CAST: variants seen among roughly 807,000 people sequenced by gnomAD.
CAST encodes calpastatin, also known as MIR583 host.
CAST carries 76 observed loss-of-function variants against 119.6 expected under a neutral mutation model. The observed-to-expected ratio is 0.64, with a 90% CI of 0.53 to 0.77. The LOEUF (loss-of-function observed/expected upper bound fraction) is 0.77. Among genes scored for constraint, CAST ranks in the 30% least tolerant of loss-of-function variants. CAST has a pLI of 0.00. For synonymous variants in CAST, 319 were observed against 331.6 expected (o/e 0.96, Z 0.41); for missense variants, 953 against 946.5 (o/e 1.01, Z -0.09).
chr5:96,367,456 C>T, the CAST span, among the ~76,000 whole-genome samples: 1 of 151,198 alleles, frequency 6.6e-6, no homozygotes, highest in Non-Finnish European at 1.5e-5. Flanking sequence ...CCTCCTTGAG[C>T]TGCAGCGGGT....
the CAST span, among the ~76,000 whole-genome samples, chr5:96,268,800 T>C: frequency 6.6e-6 from 1 of 152,130 alleles, no homozygotes; most frequent in East Asian, 1.9e-4. Flanking sequence ...TCAGATAAAG[T>C]AGACTGATAT....
chr5:96,110,021 T>C, the CAST span, among the ~76,000 whole-genome samples: 1 of 152,160 alleles, frequency 6.6e-6, no homozygotes, highest in African/African-American at 2.4e-5. Context: ...GAAACTGTTA[T>C]TGAAAATCCA....
chr5:96,527,917 G>A (rs1275232499), upstream of CAST, among the ~76,000 whole-genome samples: 1 of 152,174 alleles, frequency 6.6e-6, no homozygotes, highest in Non-Finnish European at 1.5e-5. Flanking sequence ...TCTAGGGGTA[G>A]GGATGCAAAC....
the CAST span, among the ~76,000 whole-genome samples, chr5:96,064,548 T>C: frequency 6.6e-6 from 1 of 152,174 alleles, no homozygotes; most frequent in African/African-American, 2.4e-5. Context: ...GACATCAATC[T>C]TTATTAATTA....
the CAST span, among the ~76,000 whole-genome samples, chr5:96,131,327 T>G: frequency 6.6e-6 from 1 of 152,072 alleles, no homozygotes; most frequent in African/African-American, 2.4e-5. Flanking sequence ...CCTCTAAGTT[T>G]AAATATTTTT....
intron 4 of CAST, 135 bp downstream of exon 4, chr5:96,722,833 T>C: frequency 2.9e-6 from 2 of 681,122 alleles, no homozygotes; most frequent in Non-Finnish European, 5.3e-6. Context: ...ATTTTCTTCC[T>C]AATTTATGGG....
intron 1 of CAST, among the ~76,000 whole-genome samples, chr5:96,665,989 A>G (rs747671267): frequency 6.6e-6 from 1 of 152,226 alleles, no homozygotes; most frequent in Non-Finnish European, 1.5e-5. Context: ...AGATATCGGT[A>G]TATACACAGA....
chr5:96,228,001 C>CTG, the CAST span, among the ~76,000 whole-genome samples: 417 of 136,704 alleles, frequency 3.1e-3, 4 homozygotes, highest in African/African-American at 8.1e-3. Flanking sequence ...CTCTTTCTCT[C>CTG]TCTGTGTGTG....
intron 1 of CAST, among the ~76,000 whole-genome samples, chr5:96,541,541 C>T (rs557421629): frequency 6.6e-6 from 1 of 152,296 alleles, no homozygotes; most frequent in Admixed American, 6.5e-5. Context: ...TTGACAAACA[C>T]ATCAGGTCAT....
chr5:96,530,321 G>A (rs1012926500), intron 1 of CAST, among the ~76,000 whole-genome samples: 3 of 152,072 alleles, frequency 2.0e-5, no homozygotes, highest in African/African-American at 7.2e-5. Context: ...CCAGGAAGAG[G>A]AAACAGGATG....
the CAST span, among the ~76,000 whole-genome samples, chr5:96,369,265 C>G: frequency 6.6e-6 from 1 of 151,560 alleles, no homozygotes; most frequent in African/African-American, 2.4e-5. Flanking sequence ...TTTTTATTCT[C>G]CAAATTAGCT....
intron 1 of CAST, among the ~76,000 whole-genome samples, chr5:96,592,769 T>TA (rs1472946566): frequency 6.6e-6 from 1 of 151,542 alleles, no homozygotes; most frequent in Admixed American, 6.6e-5. Context: ...ATTTTCTTTT[T>TA]TTTTTTCTTT....
chr5:96,042,255 G>T, the CAST span, among the ~76,000 whole-genome samples: 322 of 152,298 alleles, frequency 2.1e-3, 2 homozygotes, highest in African/African-American at 7.3e-3. Context: ...TACCTCTAGA[G>T]ATTTCCTAGT....
At chr5:96,295,878 C>G in the CAST span, among the ~76,000 whole-genome samples, 1 of 152,090 alleles carries the variant, frequency 6.6e-6, no homozygotes, top group Non-Finnish European at 1.5e-5. Flanking sequence ...CATGTATGCA[C>G]ACATATATAT....
chr5:96,313,607 T>A, the CAST span, among the ~76,000 whole-genome samples: 1 of 152,196 alleles, frequency 6.6e-6, no homozygotes, highest in Non-Finnish European at 1.5e-5. Flanking sequence ...ATAAGATTAC[T>A]TAAACATCCA....
chr5:95,980,784 G>A, the CAST span, among the ~76,000 whole-genome samples: 1 of 152,102 alleles, frequency 6.6e-6, no homozygotes. Flanking sequence ...GGCATGTCAG[G>A]CATCTCCCTT....
the CAST span, among the ~76,000 whole-genome samples, chr5:96,425,066 A>AAGAAAGAAAG: frequency 5.1e-4 from 72 of 140,438 alleles, no homozygotes; most frequent in African/African-American, 1.8e-3. Context: ...GAAAGAAAGA[A>AAGAAAGAAAG]AGAAAGAAAA....
the CAST span, among the ~76,000 whole-genome samples, chr5:95,975,211 A>G: frequency 5.9e-5 from 9 of 152,224 alleles, no homozygotes; most frequent in Non-Finnish European, 1.0e-4. Context: ...CCTATAGCCA[A>G]TTAGGTAGTG....
the CAST span, among the ~76,000 whole-genome samples, chr5:96,497,440 A>G: frequency 6.6e-6 from 1 of 152,084 alleles, no homozygotes; most frequent in Admixed American, 6.5e-5. Flanking sequence ...CGCCACACTG[A>G]CTTCCACAAT....
Sources: gnomAD v4.1 joint callset for allele counts (sites outside exome capture counted in the v4.1 genomes callset) on GRCh38, gnomAD v4.1.1 for gene constraint, MANE v1.5 for transcripts, NCBI Gene and HGNC (gene_info 2026-07-23, HGNC 2026-07-21) for gene names.